The following FLT3 variants were observed in gnomAD, a reference collection of about 807,000 sequenced individuals.
The protein encoded by FLT3 is fms related receptor tyrosine kinase 3.
A neutral mutation model predicts 126.6 loss-of-function variants in FLT3; 46 were observed. That is an observed-to-expected ratio of 0.36 (90% CI 0.29 to 0.46). The LOEUF is 0.46. FLT3 is among the 20% of genes least tolerant of loss of function. The probability of loss-of-function intolerance (pLI) is 1.00; values close to 1 mark genes in which losing one functional copy is unlikely to be tolerated. For missense variants in FLT3, 1,069 were observed against 1,190.3 expected (o/e 0.90, Z 1.50); for synonymous variants, 404 against 434.4 (o/e 0.93, Z 0.87).
intron 1 of FLT3, among the ~76,000 whole-genome samples, chr13:28,098,660 A>G (rs569686838): frequency 6.6e-6 from 1 of 152,286 alleles, no homozygotes; most frequent in Admixed American, 6.5e-5. Context: ...CATATATAAA[A>G]CAATGTTCAC....
chr13:28,063,392 A>T (rs1475811452), intron 2 of FLT3, among the ~76,000 whole-genome samples: 1 of 152,192 alleles, frequency 6.6e-6, no homozygotes, highest in African/African-American at 2.4e-5. Context: ...AGGCAGGAGA[A>T]TCACTTGAAC....
chr13:28,035,797 A>T, intron 11 of FLT3, 124 bp from the exon 12 acceptor site: 1 of 1,202,624 alleles, frequency 8.3e-7, no homozygotes, highest in Non-Finnish European at 1.2e-6. Flanking sequence ...GTCTATGACT[A>T]TTGAGAGTTA....
chr13:28,011,906 T>C (rs962953192), intron 23 of FLT3, among the ~76,000 whole-genome samples: 1 of 152,090 alleles, frequency 6.6e-6, no homozygotes, highest in Non-Finnish European at 1.5e-5. Flanking sequence ...CAAGCGATTC[T>C]TCTGCCTCAG....
At chr13:28,046,328 AG>A (rs1401497750) in intron 9 of FLT3, among the ~76,000 whole-genome samples, 1 of 152,192 alleles carries the variant, frequency 6.6e-6, no homozygotes, top group Admixed American at 6.5e-5. Context: ...AATCCCTTTT[AG>A]GTATAAAGAG....
At chr13:28,028,391 A>G in intron 15 of FLT3, 103 bp from the exon 16 acceptor site, 1 of 656,498 alleles carries the variant, frequency 1.5e-6, no homozygotes, top group South Asian at 1.8e-5. Flanking sequence ...TGCATTATTT[A>G]TTTAAATTCA....
chr13:28,004,022 G>T lies in FLT3; in HGVS notation c.*30C>A. The T allele has an allele frequency of 6.2e-7, 1 of 1,613,294 alleles. No individual in the cohort carries two copies. Among genetic ancestry groups the T allele is most frequent in the Non-Finnish European group, 8.5e-7 (1 of 1,179,316 alleles). On this transcript the variant is annotated 3_prime_UTR_variant, in exon 24 of 24. Transcript: ENST00000241453. ...TACAGCCTGTTAGGGATAGGTGGAG[G>T]GATGAAGTCCTTAAAACTAAATTGT...
At chr13:28,060,465 T>TA (rs1261681150) in intron 3 of FLT3, among the ~76,000 whole-genome samples, 119 of 8,312 alleles carry the variant, frequency 0.014, no homozygotes, top group East Asian at 0.04. Flanking sequence ...GTAAAAATAT[T>TA]TAAAAAAAAA....
intron 9 of FLT3, among the ~76,000 whole-genome samples, chr13:28,041,950 C>T (rs908019391): frequency 2.0e-5 from 3 of 151,992 alleles, no homozygotes; most frequent in South Asian, 2.1e-4. Context: ...GTAAGGAGTT[C>T]GAGATCAGCC....
At chr13:28,076,950 G>A (rs1877965046) in intron 1 of FLT3, among the ~76,000 whole-genome samples, 1 of 135,192 alleles carries the variant, frequency 7.4e-6, no homozygotes, top group Non-Finnish European at 1.6e-5. Context: ...CAAGAGGGAA[G>A]GAAGGAAGGA....
intron 4 of FLT3, among the ~76,000 whole-genome samples, chr13:28,054,831 A>T (rs9513010): frequency 2.0e-5 from 3 of 152,328 alleles, no homozygotes; most frequent in East Asian, 3.9e-4. Context: ...ACAACTTTAA[A>T]GTGCCTAAGT....
intron 20 of FLT3, among the ~76,000 whole-genome samples, chr13:28,017,789 C>T (rs568240721): frequency 2.1e-4 from 32 of 152,046 alleles, no homozygotes; most frequent in Middle Eastern, 3.4e-3. Flanking sequence ...CTCAGCCTCC[C>T]GAATAGTTGG....
intron 23 of FLT3, among the ~76,000 whole-genome samples, chr13:28,005,298 C>T (rs780189378): frequency 1.4e-4 from 21 of 151,546 alleles, no homozygotes; most frequent in Non-Finnish European, 2.5e-4. Flanking sequence ...CACTGCACTC[C>T]AGCCTGGGTG....
At chr13:28,074,909 C>T (rs945939034) in intron 1 of FLT3, among the ~76,000 whole-genome samples, 8 of 152,180 alleles carry the variant, frequency 5.3e-5, no homozygotes, top group African/African-American at 1.9e-4. Flanking sequence ...GCTGGGATTA[C>T]AGGTGTGAGC....
chr13:28,067,252 A>G (rs1345636178), intron 2 of FLT3, among the ~76,000 whole-genome samples: 1 of 152,150 alleles, frequency 6.6e-6, no homozygotes, highest in African/African-American at 2.4e-5. Context: ...CGAACTCCCA[A>G]CCTCAGGTGA....
intron 23 of FLT3, 47 bp downstream of exon 23, chr13:28,014,405 T>C: frequency 7.5e-7 from 1 of 1,335,066 alleles, no homozygotes; most frequent in Non-Finnish European, 1.1e-6. Flanking sequence ...TGTTTTAATT[T>C]ACCAATTTCC....
At chr13:28,046,905 A>G (rs1303549746) in intron 9 of FLT3, among the ~76,000 whole-genome samples, 3 of 152,058 alleles carry the variant, frequency 2.0e-5, no homozygotes, top group Non-Finnish European at 2.9e-5. Context: ...CAATATAAAA[A>G]TTATTAATAA....
intron 1 of FLT3, among the ~76,000 whole-genome samples, chr13:28,098,506 A>C (rs2137840306): frequency 6.6e-6 from 1 of 152,298 alleles, no homozygotes; most frequent in African/African-American, 2.4e-5. Flanking sequence ...TGGAACTGCC[A>C]TACACTGCTA....
intron 1 of FLT3, among the ~76,000 whole-genome samples, chr13:28,084,304 T>A (rs1878512773): frequency 6.6e-6 from 1 of 152,000 alleles, no homozygotes; most frequent in African/African-American, 2.4e-5. Flanking sequence ...TTTCTGTTAT[T>A]AATTTTAATT....
intron 15 of FLT3, among the ~76,000 whole-genome samples, chr13:28,032,308 G>C (rs573036018): frequency 6.6e-6 from 1 of 152,342 alleles, no homozygotes; most frequent in South Asian, 2.1e-4. Context: ...GTGTATGGGA[G>C]GACATCACGG....
Sources: gnomAD v4.1 joint callset for allele counts (sites outside exome capture counted in the v4.1 genomes callset) on GRCh38, gnomAD v4.1.1 for gene constraint, MANE v1.5 for transcripts, NCBI Gene and HGNC (gene_info 2026-07-23, HGNC 2026-07-21) for gene names.